LIN52: variants seen among roughly 807,000 people sequenced by gnomAD.
LIN52 encodes lin-52 DREAM MuvB core complex component.
Under a neutral mutation model 18.5 loss-of-function variants are expected in LIN52, and 4 were observed. That is an observed-to-expected ratio of 0.22 (90% CI 0.11 to 0.49). LIN52 has a LOEUF of 0.49. Among genes scored for constraint, LIN52 ranks in the 20% least tolerant of loss-of-function variants. LIN52 has a pLI of 0.97. For synonymous variants in LIN52, 34 were observed against 45.5 expected, an observed-to-expected ratio of 0.75 and a Z score of 1.02; for missense variants, 102 against 139.5, an observed-to-expected ratio of 0.73 and a Z score of 1.35.
intron 2 of LIN52, among the ~76,000 whole-genome samples, chr14:74,094,331 C>T (rs1454543006): frequency 6.6e-6 from 1 of 151,854 alleles, no homozygotes; most frequent in African/African-American, 2.4e-5. Context: ...GTGATCACAG[C>T]TGACTGCAGC....
At chr14:74,099,728 G>C (rs1399107173) in intron 4 of LIN52, among the ~76,000 whole-genome samples, 1 of 151,960 alleles carries the variant, frequency 6.6e-6, no homozygotes, top group African/African-American at 2.4e-5. Context: ...AGTGCTGATT[G>C]ATTGGGCTGG....
chr14:74,165,135 C>T (rs2061242772), intron 5 of LIN52, among the ~76,000 whole-genome samples: 1 of 152,010 alleles, frequency 6.6e-6, no homozygotes, highest in Non-Finnish European at 1.5e-5. Flanking sequence ...AATAATATGC[C>T]TTAGCTATAA....
At chr14:74,127,390 G>A (rs2061035140) in intron 5 of LIN52, among the ~76,000 whole-genome samples, 2 of 152,208 alleles carry the variant, frequency 1.3e-5, no homozygotes, top group Non-Finnish European at 2.9e-5. Flanking sequence ...GCAAAGTCTG[G>A]TAGTGGGAAG....
At position 74,122,029 on chromosome 14, in the gene LIN52, G is replaced by A. The variant is rs111421393; in HGVS notation, c.283+20791G>A. Among the ~76,000 whole-genome samples, 308 of 152,126 alleles carry A rather than the reference G, an allele frequency of 2.0e-3. 2 individuals carry two copies. The highest frequency in any genetic ancestry group is 7.1e-3 in the African/African-American group (295 of 41,490). ...TCATATTCCCATGAGAAGAGGTTGA[G>A]GAAGAAAAGAATTCACACTAGTAAT... is the stretch of plus-strand genomic sequence containing the variant. On this transcript the variant is annotated intron_variant, in intron 5 of 5. Transcript: ENST00000555028.
chr14:74,122,530 TGTGA>T (rs2061006217), intron 5 of LIN52, among the ~76,000 whole-genome samples: 1 of 152,108 alleles, frequency 6.6e-6, no homozygotes, highest in African/African-American at 2.4e-5. Context: ...ACTGGACACT[TGTGA>T]GAGTATGAGT....
intron 5 of LIN52, among the ~76,000 whole-genome samples, chr14:74,181,107 C>CAA (rs149099646): frequency 1.6e-4 from 15 of 96,074 alleles, no homozygotes; most frequent in East Asian, 4.5e-4. Flanking sequence ...GACTCTGTCT[C>CAA]AAAAAAAAAA....
chr14:74,188,098 C>A (rs2061348256), intron 5 of LIN52, among the ~76,000 whole-genome samples: 1 of 152,118 alleles, frequency 6.6e-6, no homozygotes, highest in South Asian at 2.1e-4. Flanking sequence ...TCCATAATGT[C>A]CAATGAACCA....
chr14:74,190,389 C>CTTTTTTTTTTG (rs2061358488), intron 5 of LIN52, among the ~76,000 whole-genome samples: 1 of 106,306 alleles, frequency 9.4e-6, no homozygotes, highest in Non-Finnish European at 1.8e-5. Flanking sequence ...GCCTAAATAA[C>CTTTTTTTTTTG]TTTTTTTTTT....
chr14:74,089,897 C>A (rs74711344), intron 1 of LIN52, among the ~76,000 whole-genome samples: 2,839 of 152,186 alleles, frequency 0.019, 87 homozygotes, highest in African/African-American at 0.065. Context: ...GGAGAGGGAG[C>A]ACGCAGATGG....
At chr14:74,086,089 TG>T (rs1238048441) in intron 1 of LIN52, among the ~76,000 whole-genome samples, 3 of 152,144 alleles carry the variant, frequency 2.0e-5, no homozygotes, top group African/African-American at 7.2e-5. Context: ...TATCTGGAGT[TG>T]CCCTTTCCCA....
intron 5 of LIN52, among the ~76,000 whole-genome samples, chr14:74,104,617 A>G (rs891406832): frequency 2.0e-5 from 3 of 151,600 alleles, no homozygotes; most frequent in African/African-American, 7.3e-5. Flanking sequence ...TTTGATAAGA[A>G]TATTTCACAG....
chr14:74,175,020 AAAT>A (rs141936961), intron 5 of LIN52, among the ~76,000 whole-genome samples: 18,480 of 140,884 alleles, frequency 0.13, 1,389 homozygotes, highest in African/African-American at 0.19. Flanking sequence ...GACTCAAAGA[AAAT>A]AATAATAATA....
intron 5 of LIN52, among the ~76,000 whole-genome samples, chr14:74,126,932 A>G (rs889337551): frequency 1.3e-5 from 2 of 152,260 alleles, no homozygotes; most frequent in African/African-American, 4.8e-5. Flanking sequence ...GCAAGCTACC[A>G]ATAAATTTAA....
chr14:74,092,313 A>G (rs202218385), intron 2 of LIN52, among the ~76,000 whole-genome samples: 2 of 91,366 alleles, frequency 2.2e-5, no homozygotes, highest in African/African-American at 7.4e-5. Context: ...ATATATATAT[A>G]TGTTTTTTTT....
chr14:74,167,961 G>A (rs974493686), intron 5 of LIN52, among the ~76,000 whole-genome samples: 10 of 60,828 alleles, frequency 1.6e-4, no homozygotes, highest in African/African-American at 4.6e-4. Flanking sequence ...TTAGAGAGAA[G>A]TTGGATTTTG....
chr14:74,090,347 T>G (rs2060765396), intron 1 of LIN52, among the ~76,000 whole-genome samples: 1 of 151,374 alleles, frequency 6.6e-6, no homozygotes, highest in Admixed American at 6.6e-5. Flanking sequence ...TGTTTGTTTG[T>G]TTTTTTGAGA....
chr14:74,108,247 C>T (rs559096998), intron 5 of LIN52, among the ~76,000 whole-genome samples: 15 of 152,238 alleles, frequency 9.9e-5, no homozygotes, highest in African/African-American at 2.6e-4. Context: ...TGTATAGATA[C>T]GCCACATTGT....
chr14:74,125,079 A>C (rs1240537762), intron 5 of LIN52, among the ~76,000 whole-genome samples: 1 of 152,174 alleles, frequency 6.6e-6, no homozygotes, highest in Non-Finnish European at 1.5e-5. Context: ...CAACAAAAAA[A>C]CAGCCCAATT....
At chr14:74,189,104 G>C (rs764942878) in intron 5 of LIN52, among the ~76,000 whole-genome samples, 19 of 152,178 alleles carry the variant, frequency 1.2e-4, no homozygotes, top group Admixed American at 1.3e-4. Flanking sequence ...AAGCTACTCT[G>C]TCTAACTTGG....
Sources: allele counts gnomAD v4.1 joint callset (sites outside exome capture counted in the v4.1 genomes callset), GRCh38; gene constraint gnomAD v4.1.1; transcripts MANE v1.5; gene names NCBI Gene and HGNC (gene_info 2026-07-23, HGNC 2026-07-21).